THSD7B: variants seen among roughly 807,000 people sequenced by gnomAD.
THSD7B encodes the protein thrombospondin type 1 domain containing 7B, also known as thrombospondin type-1 domain-containing protein 7B.
Under a neutral mutation model 213.6 loss-of-function variants are expected in THSD7B, and 138 were observed. The observed-to-expected ratio is 0.65, with a 90% CI of 0.56 to 0.74. THSD7B has a LOEUF of 0.74. THSD7B is among the 30% of genes least tolerant of loss of function. The pLI, the probability that THSD7B is intolerant of heterozygous loss-of-function variation, is 0.00. For missense variants in THSD7B, 1,931 were observed against 1,991.5 expected (o/e 0.97, Z 0.58); for synonymous variants, 742 against 687.0 (o/e 1.08, Z -1.25).
intron 15 of THSD7B, among the ~76,000 whole-genome samples, chr2:137,454,025 G>C (rs1190829063): frequency 6.6e-6 from 1 of 152,104 alleles, no homozygotes; most frequent in East Asian, 1.9e-4. Context: ...TGTACACTTA[G>C]GTTGATTCCA....
chr2:137,642,725 C>T (rs891381377), intron 21 of THSD7B, 92 bp downstream of exon 21: 2 of 1,431,782 alleles, frequency 1.4e-6, no homozygotes, highest in African/African-American at 2.8e-5. Context: ...ATAAATTTCA[C>T]AGCACCAGGG....
chr2:137,266,819 C>T (rs1023392320), intron 10 of THSD7B, among the ~76,000 whole-genome samples: 1 of 152,148 alleles, frequency 6.6e-6, no homozygotes, highest in African/African-American at 2.4e-5. Context: ...CCTATGTTCA[C>T]TCCTGTTCTA....
intron 2 of THSD7B, among the ~76,000 whole-genome samples, chr2:136,890,859 A>ATT (rs144307389): frequency 2.7e-5 from 4 of 148,048 alleles, no homozygotes; most frequent in African/African-American, 9.9e-5. Context: ...CACTTCTGAG[A>ATT]TTTTTTTTTT....
At chr2:136,782,430 CA>C (rs1681759264) in intron 1 of THSD7B, among the ~76,000 whole-genome samples, 1 of 152,126 alleles carries the variant, frequency 6.6e-6, no homozygotes, top group African/African-American at 2.4e-5. Context: ...TTTCAATTGT[CA>C]AAAACACCCT....
chr2:137,120,761 G>C (rs554339979), intron 5 of THSD7B, among the ~76,000 whole-genome samples: 20 of 152,286 alleles, frequency 1.3e-4, no homozygotes, highest in Middle Eastern at 6.8e-3. Flanking sequence ...AATAGTTAGC[G>C]TGTCACGCTA....
chr2:137,301,133 C>T (rs1353362341), intron 12 of THSD7B, among the ~76,000 whole-genome samples: 2 of 152,106 alleles, frequency 1.3e-5, no homozygotes, highest in Non-Finnish European at 2.9e-5. Context: ...AATCATTCTA[C>T]CCAGCACTGC....
chr2:137,257,572 A>G (rs1682339343), intron 10 of THSD7B, among the ~76,000 whole-genome samples: 1 of 152,140 alleles, frequency 6.6e-6, no homozygotes. Context: ...TCAGTGTTCA[A>G]AAAATTATTG....
chr2:137,314,840 C>T (rs1376617095), intron 12 of THSD7B, among the ~76,000 whole-genome samples: 4 of 152,206 alleles, frequency 2.6e-5, no homozygotes, highest in African/African-American at 7.2e-5. Flanking sequence ...GTCAGGGACC[C>T]ACTTGAGGTG....
intron 15 of THSD7B, among the ~76,000 whole-genome samples, chr2:137,506,810 C>G (rs1679847925): frequency 1.3e-5 from 2 of 152,182 alleles, no homozygotes. Context: ...GCAAGATGAC[C>G]CAGCCTCCGG....
intron 2 of THSD7B, among the ~76,000 whole-genome samples, chr2:136,975,309 C>T (rs967540711): frequency 2.0e-5 from 3 of 151,996 alleles, no homozygotes; most frequent in Non-Finnish European, 2.9e-5. Flanking sequence ...TAGATTTTCT[C>T]CTAGGGTTTT....
intron 20 of THSD7B, among the ~76,000 whole-genome samples, chr2:137,629,595 C>T (rs1166952887): frequency 6.6e-6 from 1 of 152,122 alleles, no homozygotes; most frequent in African/African-American, 2.4e-5. Context: ...TTCTCCAATC[C>T]TTAGAATAAT....
intron 12 of THSD7B, among the ~76,000 whole-genome samples, chr2:137,363,084 A>T (rs1304149739): frequency 6.6e-6 from 1 of 152,206 alleles, no homozygotes; most frequent in Non-Finnish European, 1.5e-5. Flanking sequence ...TAAGAAACTC[A>T]CTCAAAACTG....
At chr2:136,914,246 G>T (rs1159426422) in intron 2 of THSD7B, among the ~76,000 whole-genome samples, 20 of 152,198 alleles carry the variant, frequency 1.3e-4, no homozygotes, top group Admixed American at 1.3e-3. Flanking sequence ...TGGAATAGCT[G>T]TATTTACCCA....
At chr2:137,486,410 T>A (rs1486393640) in intron 15 of THSD7B, among the ~76,000 whole-genome samples, 1 of 151,196 alleles carries the variant, frequency 6.6e-6, no homozygotes, top group Non-Finnish European at 1.5e-5. Context: ...CATTACATAA[T>A]GGTAAAGGGA....
intron 15 of THSD7B, among the ~76,000 whole-genome samples, chr2:137,533,152 A>G (rs1314602055): frequency 6.6e-6 from 1 of 151,790 alleles, no homozygotes; most frequent in East Asian, 1.9e-4. Flanking sequence ...CATTTAAATC[A>G]CCAAACTGCG....
chr2:137,646,487 C>CA (rs35479231), intron 21 of THSD7B, among the ~76,000 whole-genome samples: 41,985 of 93,556 alleles, frequency 0.45, 8,344 homozygotes, highest in Middle Eastern at 0.62. Flanking sequence ...ACTACAAATA[C>CA]AAAAAAAAAA....
At chr2:137,519,402 T>C (rs1392690046) in intron 15 of THSD7B, among the ~76,000 whole-genome samples, 1 of 152,196 alleles carries the variant, frequency 6.6e-6, no homozygotes, top group Non-Finnish European at 1.5e-5. Flanking sequence ...GCTGAAACCA[T>C]GGCAGGTGGT....
At chr2:136,826,842 G>A (rs1682653012) in intron 1 of THSD7B, among the ~76,000 whole-genome samples, 1 of 152,166 alleles carries the variant, frequency 6.6e-6, no homozygotes, top group East Asian at 1.9e-4. Flanking sequence ...ACCAGTGATG[G>A]AGAAGGAGTG....
intron 2 of THSD7B, among the ~76,000 whole-genome samples, chr2:136,983,379 A>ACACACACACACACACACACACACACT (rs1250517745): frequency 6.7e-6 from 1 of 148,882 alleles, no homozygotes; most frequent in Non-Finnish European, 1.5e-5. Context: ...ACGCACACAC[A>ACACACACACACACACACACACACACT]CTCACTCTCT....
Sources: gnomAD v4.1 joint callset for allele counts (sites outside exome capture counted in the v4.1 genomes callset) on GRCh38, gnomAD v4.1.1 for gene constraint, MANE v1.5 for transcripts, NCBI Gene and HGNC (gene_info 2026-07-23, HGNC 2026-07-21) for gene names.